The following GMPS variants were observed in gnomAD, a reference collection of about 807,000 sequenced individuals.
GMPS encodes the protein GMP synthase [glutamine-hydrolyzing].
In GMPS, 15 loss-of-function variants were observed where a neutral mutation model predicts 77.9. The observed-to-expected ratio is 0.19, with a 90% CI of 0.13 to 0.30. The LOEUF (loss-of-function observed/expected upper bound fraction) is 0.30. GMPS is among the 10% of genes least tolerant of loss of function. GMPS has a pLI of 1.00. For synonymous variants in GMPS, 224 were observed against 275.9 expected (o/e 0.81, Z 1.86); for missense variants, 590 against 838.8 (o/e 0.70, Z 3.66).
At chr3:155,878,322 G>A (rs1182161190) in intron 1 of GMPS, among the ~76,000 whole-genome samples, 7 of 152,210 alleles carry the variant, frequency 4.6e-5, no homozygotes, top group Admixed American at 2.6e-4. Context: ...TCATCTTGTA[G>A]CATGTATAAG....
In GMPS at chr3:155,884,840, A is replaced by G. The variant is rs1405945566; in HGVS notation, c.28-8678A>G. ...GGTGCTAGAACTGGTAACTAAGTTG[A>G]AGCTAAATTGCTTTTTAGTTCATTG... On this transcript the variant is annotated intron_variant, in intron 1 of 15. Transcript: ENST00000496455. 3.9e-5 allele frequency among the ~76,000 whole-genome samples: 6 copies of G among 152,166 alleles called. No homozygotes were observed. The East Asian group carries it at 1.2e-3, about 29-fold the overall frequency.
intron 12 of GMPS, among the ~76,000 whole-genome samples, chr3:155,929,955 A>G (rs1418586582): frequency 6.8e-6 from 1 of 146,640 alleles, no homozygotes; most frequent in Non-Finnish European, 1.5e-5. Context: ...TAATTTACAG[A>G]TTCAGTGCCA....
intron 1 of GMPS, among the ~76,000 whole-genome samples, chr3:155,880,242 A>T (rs544783828): frequency 3.7e-4 from 56 of 152,134 alleles, no homozygotes; most frequent in African/African-American, 1.3e-3. Flanking sequence ...TCATTTTGAG[A>T]TAATTTTTGT....
At chr3:155,891,914 G>A (rs940097022) in intron 1 of GMPS, among the ~76,000 whole-genome samples, 5 of 151,988 alleles carry the variant, frequency 3.3e-5, no homozygotes, top group African/African-American at 7.3e-5. Flanking sequence ...ACGCTTGTTC[G>A]TTTTTGCAGC....
Position 155,903,888 on chromosome 3 carries a change from C to T in GMPS, c.350C>T (p.Thr117Ile). Residue 117 changes from threonine (T) to isoleucine (I), a missense_variant, in exon 4 of 16, where the codon ACT (threonine) becomes ATT (isoleucine). Transcript: ENST00000496455. ...MQMMNKVFGG[T>I]VHKKSVREDG... Reference sequence around the variant, plus strand: ...ATGATGAATAAGGTATTTGGAGGTACTGTGCACAAAAAAAGTGTCAGAGAA... The same window carrying T: ...ATGATGAATAAGGTATTTGGAGGTATTGTGCACAAAAAAAGTGTCAGAGAA... 1 of 1,543,716 alleles carries T rather than the reference C, an allele frequency of 6.5e-7. No homozygotes were observed. The highest frequency in any genetic ancestry group is 8.8e-7 in the Non-Finnish European group (1 of 1,130,144).
At position 155,943,107 on chromosome 3, in the gene GMPS, T is replaced by G. The variant is rs1274115874; in HGVS notation, c.*5415T>G. On this transcript the variant is annotated 3_prime_UTR_variant, in exon 16 of 16. Coordinates refer to ENST00000496455, the MANE Select transcript of GMPS (RefSeq NM_003875.3). ...TTAGCTGGGCTTGGTGGCGCGCGCC[T>G]GTAATCCCAGCTACTCGGAAGGCTG... is the stretch of plus-strand genomic sequence containing the variant. 1.7e-5 allele frequency: 3 copies of G among 175,648 alleles called. No individual in the cohort carries two copies. Among genetic ancestry groups the G allele is most frequent in the African/African-American group, 7.1e-5 (3 of 42,156 alleles). The allele number at this position is 175,648 out of a possible 1,614,324, so 10.9% of individuals were successfully genotyped here. A position where few individuals can be genotyped will look rare whatever the true frequency, so the allele number is the denominator to read the frequency against.
chr3:155,931,683 TAAAA>T (rs60448476), intron 12 of GMPS, 78 bp from the exon 13 acceptor site: 4 of 399,034 alleles, frequency 1.0e-5, no homozygotes, highest in East Asian at 4.6e-5. Flanking sequence ...CTTTTTTTTT[TAAAA>T]AAAAAAAAAA....
intron 2 of GMPS, among the ~76,000 whole-genome samples, chr3:155,897,270 TATA>T (rs1396399038): frequency 6.6e-6 from 1 of 152,186 alleles, no homozygotes; most frequent in Non-Finnish European, 1.5e-5. Flanking sequence ...TTTCCCTTAT[TATA>T]GTAGTTTGAC....
Position 155,939,755 on chromosome 3 carries a change from T to C in GMPS, c.*2063T>C, listed in dbSNP as rs917709488. On this transcript the variant is annotated 3_prime_UTR_variant, in exon 16 of 16. Transcript: ENST00000496455. ...CATAGTTTCTTAAAAATCCAAATTT[T>C]CTGGAACTCAGAAATTTCCTAATAT... The C allele has an allele frequency of 5.1e-6, 1 of 195,182 alleles. No individual in the cohort carries two copies. Among genetic ancestry groups the C allele is most frequent in the African/African-American group, 2.3e-5 (1 of 43,192 alleles). 12.1% of individuals were successfully genotyped at this position (195,182 alleles called of 1,614,324 possible).
intron 1 of GMPS, among the ~76,000 whole-genome samples, chr3:155,871,842 T>G (rs966877822): frequency 6.6e-6 from 1 of 152,236 alleles, no homozygotes; most frequent in African/African-American, 2.4e-5. Flanking sequence ...CCAACTCACT[T>G]TTCTTAGACC....
chr3:155,879,247 A>T (rs1336752183), intron 1 of GMPS, among the ~76,000 whole-genome samples: 1 of 146,782 alleles, frequency 6.8e-6, no homozygotes, highest in African/African-American at 2.5e-5. Flanking sequence ...ATTTCTCCAC[A>T]TCCTTTTCTG....
At chr3:155,871,835 A>G (rs563265661) in intron 1 of GMPS, among the ~76,000 whole-genome samples, 1 of 151,652 alleles carries the variant, frequency 6.6e-6, no homozygotes, top group South Asian at 2.1e-4. Context: ...CTCTCCTCCA[A>G]CTCACTTTTC....
intron 3 of GMPS, among the ~76,000 whole-genome samples, chr3:155,900,238 TCTTTC>T (rs764737996): frequency 1.3e-5 from 2 of 152,140 alleles, no homozygotes; most frequent in Non-Finnish European, 2.9e-5. Flanking sequence ...AAAAGCCTCT[TCTTTC>T]CTTTCAAAGT....
At chr3:155,924,123 C>T (rs988035729) in intron 11 of GMPS, among the ~76,000 whole-genome samples, 4 of 152,200 alleles carry the variant, frequency 2.6e-5, no homozygotes, top group African/African-American at 9.6e-5. Context: ...CAGGTGATCA[C>T]CCGCCTCGGC....
rs570673182 is a variant in GMPS, at chr3:155,893,542, A to C, written c.52A>C (p.Lys18Gln). 1.7e-5 allele frequency: 28 copies of C among 1,610,672 alleles called. No individual in the cohort carries two copies. In the East Asian group the frequency reaches 2.9e-4, roughly 17 times the overall value. Residue 18 changes from lysine to glutamine, a missense_variant, in exon 2 of 16, where the codon AAG becomes CAG. By Grantham distance (53) the Lys-to-Gln change is moderately conservative. Coordinates refer to ENST00000496455, the MANE Select transcript of GMPS (RefSeq NM_003875.3). The part of the protein sequence containing the change: ...SKLENAGGDL[K>Q]DGHHHYEGAV... ...GCTGGAGAATGCTGGAGGAGACCTT[A>C]AGGATGGCCACCACCACTATGAAGG...
At chr3:155,893,768 T>A (rs6441026) in intron 2 of GMPS, 69 bp downstream of exon 2, 3 of 817,164 alleles carry the variant, frequency 3.7e-6, no homozygotes, top group Non-Finnish European at 5.4e-6. Context: ...TTATTAATTT[T>A]CTTGAGCACT....
chr3:155,903,342 T>A (rs756005774), intron 3 of GMPS, among the ~76,000 whole-genome samples: 5 of 152,212 alleles, frequency 3.3e-5, no homozygotes, highest in Non-Finnish European at 7.3e-5. Flanking sequence ...TGAGCTTAAC[T>A]GAAAGGCCAG....
At chr3:155,893,495 T>C (rs1754523523) in intron 1 of GMPS, 23 bp from the exon 2 acceptor site, 2 of 1,520,342 alleles carry the variant, frequency 1.3e-6, no homozygotes, top group Non-Finnish European at 1.8e-6. Context: ...ATTAAGACTT[T>C]GTATTTGTAT....
intron 1 of GMPS, among the ~76,000 whole-genome samples, chr3:155,885,680 T>A (rs951817147): frequency 1.3e-5 from 2 of 152,238 alleles, no homozygotes; most frequent in Admixed American, 1.3e-4. Context: ...TGTATTATAC[T>A]TACTGTTTGA....
Sources: allele counts gnomAD v4.1 joint callset (sites outside exome capture counted in the v4.1 genomes callset), GRCh38; gene constraint gnomAD v4.1.1; transcripts MANE v1.5; gene names NCBI Gene and HGNC (gene_info 2026-07-23, HGNC 2026-07-21).